FMN1: variants seen among roughly 807,000 people sequenced by gnomAD.
The protein encoded by FMN1 is formin-1.
Under a neutral mutation model 132.4 loss-of-function variants are expected in FMN1, and 110 were observed. The ratio of observed to expected loss-of-function variants is 0.83; its 90% CI spans 0.71 to 0.97. The LOEUF (loss-of-function observed/expected upper bound fraction) is 0.97, where lower values mean the gene tolerates loss of function less well. Among genes scored for constraint, FMN1 ranks in the 50% least tolerant of loss-of-function variants. The probability of loss-of-function intolerance (pLI) is 0.00; values close to 1 mark genes in which losing one functional copy is unlikely to be tolerated. For missense variants in FMN1, 1,792 were observed against 1,705.3 expected, an observed-to-expected ratio of 1.05 and a Z score of -0.90; for synonymous variants, 722 against 651.7, an observed-to-expected ratio of 1.11 and a Z score of -1.64.
At chr15:33,048,054 C>CT (rs2036771797) in intron 6 of FMN1, among the ~76,000 whole-genome samples, 2 of 152,058 alleles carry the variant, frequency 1.3e-5, no homozygotes, top group African/African-American at 4.8e-5. Flanking sequence ...ACTGTAATGC[C>CT]TTTTAGTTCC....
At chr15:32,860,138 G>A (rs1026287625) in intron 16 of FMN1, among the ~76,000 whole-genome samples, 10 of 138,896 alleles carry the variant, frequency 7.2e-5, no homozygotes, top group Non-Finnish European at 1.6e-4. Context: ...GACAAAGAGA[G>A]AAAGAAAAAG....
intron 4 of FMN1, among the ~76,000 whole-genome samples, chr15:33,126,635 T>C (rs371500223): frequency 2.3e-5 from 2 of 86,168 alleles, no homozygotes; most frequent in East Asian, 1.8e-3. Context: ...TGGGCGGAAG[T>C]GTTAAGTTGC....
intron 19 of FMN1, among the ~76,000 whole-genome samples, chr15:32,796,697 G>C (rs1338244282): frequency 2.0e-5 from 3 of 152,174 alleles, no homozygotes; most frequent in Admixed American, 2.0e-4. Flanking sequence ...ATCTTTAGCA[G>C]ACAGAGAACA....
intron 5 of FMN1, among the ~76,000 whole-genome samples, chr15:33,073,633 T>A (rs1355454530): frequency 6.6e-6 from 1 of 151,446 alleles, no homozygotes; most frequent in African/African-American, 2.4e-5. Flanking sequence ...AAATGAGGGG[T>A]CATATAAAAG....
chr15:32,888,528 T>A (rs1345736477), intron 15 of FMN1, among the ~76,000 whole-genome samples: 1 of 152,244 alleles, frequency 6.6e-6, no homozygotes, highest in Non-Finnish European at 1.5e-5. Flanking sequence ...ATGGGCCAGG[T>A]TCTATTTTGC....
At chr15:33,039,347 A>G (rs1173961192) in intron 6 of FMN1, among the ~76,000 whole-genome samples, 1 of 145,864 alleles carries the variant, frequency 6.9e-6, no homozygotes, top group Non-Finnish European at 1.5e-5. Context: ...GCCCTTAGAA[A>G]GTATGTGTGG....
chr15:32,780,727 GA>G (rs2140892308), intron 19 of FMN1, among the ~76,000 whole-genome samples: 1 of 152,282 alleles, frequency 6.6e-6, no homozygotes, highest in East Asian at 1.9e-4. Flanking sequence ...GGACTATAGT[GA>G]GGAAACCCCT....
At chr15:32,950,526 C>G (rs1485574454) in intron 9 of FMN1, among the ~76,000 whole-genome samples, 1 of 152,142 alleles carries the variant, frequency 6.6e-6, no homozygotes, top group African/African-American at 2.4e-5. Context: ...AAAATGAGAT[C>G]ATGACTTTGC....
chr15:33,105,034 G>C (rs2039432010), intron 4 of FMN1, among the ~76,000 whole-genome samples: 1 of 152,116 alleles, frequency 6.6e-6, no homozygotes, highest in Non-Finnish European at 1.5e-5. Flanking sequence ...CACTTTGCAA[G>C]CTGGGGAGCT....
chr15:32,888,563 C>T (rs347938), intron 15 of FMN1, among the ~76,000 whole-genome samples: 4,837 of 152,260 alleles, frequency 0.032, 251 homozygotes, highest in African/African-American at 0.11. Context: ...AGAAAATTGT[C>T]AGGTCGTCCT....
In FMN1 at chr15:33,145,151, C is replaced by T. The variant is rs112648071; in HGVS notation, c.1867+7897G>A. 2.1e-3 allele frequency among the ~76,000 whole-genome samples: 327 copies of T among 152,174 alleles called. 2 individuals are homozygous for T. Among genetic ancestry groups the T allele is most frequent in the African/African-American group, 7.5e-3 (310 of 41,512 alleles). On this transcript the variant is annotated intron_variant, in intron 4 of 20. Coordinates refer to ENST00000616417, the MANE Select transcript of FMN1 (RefSeq NM_001277313.2). ...GCTCGTGGATGTAATCCTTCCTCCT[C>T]ATCACTGCTTTCATCTCTTGCTTCG...
intron 10 of FMN1, among the ~76,000 whole-genome samples, chr15:32,912,395 T>C (rs774498010): frequency 1.7e-4 from 26 of 152,212 alleles, no homozygotes; most frequent in Non-Finnish European, 2.9e-4. Context: ...ATCCAGCCCT[T>C]GAATAAGTAT....
At chr15:32,851,143 G>C (rs1415734375) in intron 17 of FMN1, among the ~76,000 whole-genome samples, 1 of 152,164 alleles carries the variant, frequency 6.6e-6, no homozygotes, top group Non-Finnish European at 1.5e-5. Flanking sequence ...TAGTTTCATA[G>C]ACTAGGGCTA....
intron 17 of FMN1, among the ~76,000 whole-genome samples, chr15:32,852,087 T>C (rs2059021783): frequency 6.6e-6 from 1 of 152,182 alleles, no homozygotes; most frequent in African/African-American, 2.4e-5. Flanking sequence ...TTGGGCTATC[T>C]CATTCATTCC....
chr15:32,907,819 C>T (rs2060463687), intron 12 of FMN1, among the ~76,000 whole-genome samples: 1 of 150,734 alleles, frequency 6.6e-6, no homozygotes, highest in African/African-American at 2.4e-5. Flanking sequence ...GAGTCCTAAG[C>T]CCTGGAAAGC....
intron 7 of FMN1, among the ~76,000 whole-genome samples, chr15:33,001,631 C>CT (rs200187763): frequency 1.9e-4 from 22 of 115,054 alleles, no homozygotes; most frequent in Middle Eastern, 5.2e-3. Context: ...GGTCTTTGTG[C>CT]TTTTTTTTTT....
chr15:33,069,569 GATAAC>G (rs2037902912), intron 5 of FMN1, among the ~76,000 whole-genome samples: 3 of 152,182 alleles, frequency 2.0e-5, no homozygotes. Flanking sequence ...GTCACACATT[GATAAC>G]TTGAGCCATG....
chr15:32,962,729 A>G (rs1162424666), intron 9 of FMN1, among the ~76,000 whole-genome samples: 58 of 150,240 alleles, frequency 3.9e-4, no homozygotes, highest in Non-Finnish European at 6.4e-4. Context: ...GCAGCCAAAA[A>G]ACACATGAAA....
chr15:33,060,145 T>C (rs993448655), intron 6 of FMN1, among the ~76,000 whole-genome samples: 4 of 150,332 alleles, frequency 2.7e-5, no homozygotes, highest in Admixed American at 6.7e-5. Context: ...CAAGTGATGA[T>C]AGCAGGCTAC....
Sources: gnomAD v4.1 joint callset for allele counts (sites outside exome capture counted in the v4.1 genomes callset) on GRCh38, gnomAD v4.1.1 for gene constraint, MANE v1.5 for transcripts, NCBI Gene and HGNC (gene_info 2026-07-23, HGNC 2026-07-21) for gene names.